Variants in ARIH1 observed in about 807,000 individuals in gnomAD.
ARIH1 encodes ariadne RBR E3 ubiquitin protein ligase 1.
ARIH1 carries 8 observed loss-of-function variants against 85.0 expected under a neutral mutation model. The ratio of observed to expected loss-of-function variants is 0.09; its 90% CI spans 0.06 to 0.17. The LOEUF is 0.17. Ranked by LOEUF, ARIH1 falls within the 10% of genes least tolerant of loss-of-function variation. The pLI is 1.00. For missense variants in ARIH1, 311 were observed against 718.1 expected (o/e 0.43, Z 6.48); for synonymous variants, 238 against 253.6 (o/e 0.94, Z 0.59).
In ARIH1 at chr15:72,544,853, T is replaced by C; in HGVS notation, c.477T>C (p.Ala159=). ...YFDGNLEKLF[A]ECHVINPSKK... is the part of the protein sequence containing the mutation. ...ATGGAAACCTGGAGAAGCTCTTTGC[T>C]GAGTGTCATGTAATTAATCCAAGTA... Residue 159 remains alanine (A), a synonymous_variant, in exon 3 of 14, where the codon GCT becomes GCC. Coordinates refer to ENST00000379887, the MANE Select transcript of ARIH1 (RefSeq NM_005744.5). 6.2e-7 allele frequency: 1 copy of C among 1,613,486 alleles called. No individual in the cohort carries two copies. The highest frequency in any genetic ancestry group is 1.7e-5 in the Admixed American group (1 of 59,972).
chr15:72,581,075 A>G, intron 12 of ARIH1, 84 bp downstream of exon 12: 1 of 1,433,236 alleles, frequency 7.0e-7, no homozygotes, highest in Non-Finnish European at 9.5e-7. Flanking sequence ...CAGAGTTTTC[A>G]GGGTTCTTGT....
chr15:72,533,444 GACAATGTGATTGTGTATTCACAA>G (rs1051439705), intron 2 of ARIH1, among the ~76,000 whole-genome samples: 6 of 152,174 alleles, frequency 3.9e-5, no homozygotes, highest in Non-Finnish European at 7.3e-5. Flanking sequence ...AATATTCACT[GACAATGTGATTGTGTATTCACAA>G]ACAATGTGAT....
At chr15:72,553,129 T>C (rs1024152508) in intron 3 of ARIH1, among the ~76,000 whole-genome samples, 6 of 152,138 alleles carry the variant, frequency 3.9e-5, no homozygotes, top group Admixed American at 1.3e-4. Context: ...AAAGTAATTG[T>C]TTTTAGTAAT....
At chr15:72,475,954 A>C (rs1328272411) in intron 1 of ARIH1, among the ~76,000 whole-genome samples, 1 of 152,208 alleles carries the variant, frequency 6.6e-6, no homozygotes, top group East Asian at 1.9e-4. Context: ...GGGGAAAAAA[A>C]AAACCTCAGT....
rs941403177 is a variant in ARIH1 at position 72,585,309 on chromosome 15, C to T, written c.*2017C>T. On this transcript the variant is annotated 3_prime_UTR_variant, in exon 14 of 14. Transcript: ENST00000379887. ...ATCTGAACTCAGTGTCTGCTTCTTCCATTTTCTCGTCTCTCTCCCCTCTTC... is the reference window on the plus strand; with the variant it reads ...ATCTGAACTCAGTGTCTGCTTCTTCTATTTTCTCGTCTCTCTCCCCTCTTC... 6.6e-6 allele frequency: 1 copy of T among 152,264 alleles called. No homozygotes were observed. Among genetic ancestry groups the T allele is most frequent in the African/African-American group, 2.4e-5 (1 of 41,532 alleles). 9.4% of individuals were successfully genotyped at this position (152,264 alleles called of 1,614,324 possible).
chr15:72,567,584 A>G (rs1567358225), intron 9 of ARIH1, among the ~76,000 whole-genome samples: 1 of 152,210 alleles, frequency 6.6e-6, no homozygotes, highest in Non-Finnish European at 1.5e-5. Flanking sequence ...TTTGAAGTAC[A>G]TTGCTCTTGA....
intron 2 of ARIH1, among the ~76,000 whole-genome samples, chr15:72,524,547 A>G (rs1480500221): frequency 6.6e-6 from 1 of 152,164 alleles, no homozygotes; most frequent in Non-Finnish European, 1.5e-5. Context: ...TAGAAATGGA[A>G]ATTACCTAAA....
intron 1 of ARIH1, among the ~76,000 whole-genome samples, chr15:72,475,349 G>A (rs553185978): frequency 6.6e-6 from 1 of 152,370 alleles, no homozygotes; most frequent in East Asian, 1.9e-4. Context: ...ACTGGGGCGG[G>A]GCGGAGGAGG....
chr15:72,494,552 C>T (rs555915634), intron 1 of ARIH1, among the ~76,000 whole-genome samples: 15 of 152,178 alleles, frequency 9.9e-5, no homozygotes, highest in African/African-American at 3.6e-4. Flanking sequence ...GCAGTGTGAT[C>T]AGATTATGAA....
intron 5 of ARIH1, 124 bp from the exon 6 acceptor site, chr15:72,561,359 G>T: frequency 1.5e-6 from 1 of 671,474 alleles, no homozygotes; most frequent in Non-Finnish European, 2.6e-6. Context: ...GTGCATTTCA[G>T]TATTTACAGC....
Position 72,602,189 on chromosome 15 carries a change from A to G in ARIH1, c.*18897A>G, listed in dbSNP as rs1248501046. The G allele has an allele frequency of 6.6e-6, 1 of 152,258 alleles. No homozygotes were observed. The highest frequency in any genetic ancestry group is 6.5e-5 in the Admixed American group (1 of 15,282). The allele number at this position is 152,258 out of a possible 1,614,324, so 9.4% of individuals were successfully genotyped here. ...ATCTATGCCTATAGAATAAATTACT[A>G]GAATTGAAATAATTCAGTTAAAGAT... On this transcript the variant is annotated 3_prime_UTR_variant, in exon 14 of 14. Coordinates refer to ENST00000379887, the MANE Select transcript of ARIH1 (RefSeq NM_005744.5).
chr15:72,549,190 C>T (rs1450172442), intron 3 of ARIH1, among the ~76,000 whole-genome samples: 1 of 151,158 alleles, frequency 6.6e-6, no homozygotes, highest in East Asian at 1.9e-4. Flanking sequence ...CAGTTTCAAG[C>T]GATTCTCCTG....
intron 3 of ARIH1, among the ~76,000 whole-genome samples, chr15:72,554,587 A>G (rs1365599184): frequency 6.6e-6 from 1 of 152,034 alleles, no homozygotes; most frequent in Non-Finnish European, 1.5e-5. Flanking sequence ...GAGTCTCACT[A>G]TGTTGCCCAG....
At chr15:72,479,410 CTT>C (rs571973932) in intron 1 of ARIH1, among the ~76,000 whole-genome samples, 1 of 144,696 alleles carries the variant, frequency 6.9e-6, no homozygotes, top group Non-Finnish European at 1.5e-5. Context: ...TGCTAAATAA[CTT>C]TTTTTTTTTT....
chr15:72,563,893 T>A (rs2064207802), intron 7 of ARIH1, among the ~76,000 whole-genome samples: 1 of 152,222 alleles, frequency 6.6e-6, no homozygotes, highest in Non-Finnish European at 1.5e-5. Flanking sequence ...GTCTCCTTTT[T>A]AACTAAGAGT....
intron 2 of ARIH1, among the ~76,000 whole-genome samples, chr15:72,537,859 G>T (rs1384101513): frequency 6.6e-6 from 1 of 152,160 alleles, no homozygotes; most frequent in African/African-American, 2.4e-5. Context: ...TGTTAAAACA[G>T]AAATGTTTTG....
chr15:72,480,112 G>A (rs977936539), intron 1 of ARIH1, among the ~76,000 whole-genome samples: 3 of 151,794 alleles, frequency 2.0e-5, no homozygotes, highest in African/African-American at 4.8e-5. Flanking sequence ...CTCGTGATCC[G>A]CCCACCTCGG....
chr15:72,518,102 C>T lies in ARIH1; in HGVS notation c.411C>T (p.His137=), dbSNP rs774041345. 25 of 1,611,634 alleles carry T rather than the reference C, an allele frequency of 1.6e-5. No homozygotes were observed. The highest frequency in any genetic ancestry group is 2.1e-5 in the Non-Finnish European group (25 of 1,178,380). Reference sequence around the variant, plus strand: ...CTATCACAAGAATACTCCTTAGCCACTTCAATTGGGATAAAGAGAAGCTAA... The same window carrying T: ...CTATCACAAGAATACTCCTTAGCCATTTCAATTGGGATAAAGAGAAGCTAA... ...PATITRILLS[H]FNWDKEKLME... The change falls in exon 2 of 14, where the codon CAC becomes CAT. Residue 137 remains histidine (H), a synonymous_variant. Coordinates refer to ENST00000379887, the MANE Select transcript of ARIH1 (RefSeq NM_005744.5).
chr15:72,559,940 T>C (rs1253116511), intron 5 of ARIH1, among the ~76,000 whole-genome samples: 1 of 152,352 alleles, frequency 6.6e-6, no homozygotes, highest in Non-Finnish European at 1.5e-5. Context: ...TGTGAACATA[T>C]GAACATTTGT....
Sources: gnomAD v4.1 joint callset for allele counts (sites outside exome capture counted in the v4.1 genomes callset) on GRCh38, gnomAD v4.1.1 for gene constraint, MANE v1.5 for transcripts, NCBI Gene and HGNC (gene_info 2026-07-23, HGNC 2026-07-21) for gene names.